C7orf78: variants seen among roughly 807,000 people sequenced by gnomAD.
C7orf78 encodes putative uncharacterized protein C7orf78.
At chr7:12,540,435 G>C in the C7orf78 span, among the ~76,000 whole-genome samples, 1 of 152,164 alleles carries the variant, frequency 6.6e-6, no homozygotes, top group African/African-American at 2.4e-5. Context: ...TCAGTAATGT[G>C]CAATCATTTT....
chr7:12,519,977 A>G, the C7orf78 span, among the ~76,000 whole-genome samples: 1 of 152,198 alleles, frequency 6.6e-6, no homozygotes, highest in African/African-American at 2.4e-5. Flanking sequence ...ATCTGGTACA[A>G]TGCCCTCATT....
chr7:12,485,156 C>T, the C7orf78 span, among the ~76,000 whole-genome samples: 1 of 20,892 alleles, frequency 4.8e-5, no homozygotes, highest in Admixed American at 6.2e-4. Flanking sequence ...ATGCTATCAG[C>T]TGGGTTGGAA....
At chr7:12,483,455 C>T in the C7orf78 span, 1 of 152,168 alleles carries the variant, frequency 6.6e-6, no homozygotes, top group Non-Finnish European at 1.5e-5. Context: ...AGACAAAGAA[C>T]AGAAGTCGAT....
chr7:12,506,850 G>A, the C7orf78 span: 1 of 437,736 alleles, frequency 2.3e-6, no homozygotes, highest in Non-Finnish European at 4.6e-6. Context: ...AAGTTTGTCA[G>A]GTTATCGTAG....
At chr7:12,540,943 T>G in the C7orf78 span, 6 of 152,194 alleles carry the variant, frequency 3.9e-5, no homozygotes, top group Non-Finnish European at 7.3e-5. Flanking sequence ...CAAAACAGCA[T>G]AGGGCTTCCT....
At chr7:12,516,217 C>G in the C7orf78 span, among the ~76,000 whole-genome samples, 1 of 152,196 alleles carries the variant, frequency 6.6e-6, no homozygotes, top group Non-Finnish European at 1.5e-5. Flanking sequence ...GATGCTCCAG[C>G]CCTGGCTGTA....
the C7orf78 span, among the ~76,000 whole-genome samples, chr7:12,513,395 A>G: frequency 2.0e-5 from 3 of 152,094 alleles, no homozygotes; most frequent in Non-Finnish European, 4.4e-5. Context: ...TGTGCTACAA[A>G]GTTCCAGTCA....
chr7:12,506,839 C>A, the C7orf78 span: 2 of 425,236 alleles, frequency 4.7e-6, no homozygotes, highest in Non-Finnish European at 4.7e-6. Context: ...ACAGCAATTC[C>A]AAGTTTGTCA....
At chr7:12,512,473 G>A in the C7orf78 span, among the ~76,000 whole-genome samples, 2 of 152,062 alleles carry the variant, frequency 1.3e-5, no homozygotes, top group African/African-American at 4.8e-5. Context: ...TCATTCTGTT[G>A]ATGTGATGTA....
chr7:12,521,671 T>C, the C7orf78 span, among the ~76,000 whole-genome samples: 1,145 of 149,012 alleles, frequency 7.7e-3, 15 homozygotes, highest in African/African-American at 0.026. Context: ...GGCTTAGCTT[T>C]CATTTTTTAT....
chr7:12,537,757 C>T, the C7orf78 span, among the ~76,000 whole-genome samples: 4 of 151,964 alleles, frequency 2.6e-5, no homozygotes, highest in Non-Finnish European at 5.9e-5. Context: ...AGAATGTATA[C>T]ATAAAAGTAT....
At chr7:12,486,100 G>A in the C7orf78 span, among the ~76,000 whole-genome samples, 1 of 152,018 alleles carries the variant, frequency 6.6e-6, no homozygotes, top group South Asian at 2.1e-4. Flanking sequence ...TTGCCTAGAA[G>A]GAAATGTAAC....
the C7orf78 span, among the ~76,000 whole-genome samples, chr7:12,532,647 G>A: frequency 1.2e-4 from 18 of 152,024 alleles, no homozygotes; most frequent in African/African-American, 2.2e-4. Context: ...ATGAATAGTC[G>A]AAGTTTGCAT....
At chr7:12,524,160 C>G in the C7orf78 span, among the ~76,000 whole-genome samples, 1,074 of 152,154 alleles carry the variant, frequency 7.1e-3, 15 homozygotes, top group African/African-American at 0.025. Flanking sequence ...TATCCCTGTT[C>G]TTTTATTTTC....
chr7:12,484,794 A>T, the C7orf78 span, among the ~76,000 whole-genome samples: 1 of 152,092 alleles, frequency 6.6e-6, no homozygotes, highest in African/African-American at 2.4e-5. Flanking sequence ...CTTTGGACTA[A>T]AGCTTTCTAC....
the C7orf78 span, among the ~76,000 whole-genome samples, chr7:12,492,257 A>G: frequency 3.9e-5 from 6 of 152,224 alleles, no homozygotes; most frequent in Non-Finnish European, 8.8e-5. Flanking sequence ...CATTTTAGAA[A>G]TAAAAAAAAT....
At chr7:12,494,470 G>A in the C7orf78 span, among the ~76,000 whole-genome samples, 2 of 152,136 alleles carry the variant, frequency 1.3e-5, no homozygotes, top group Non-Finnish European at 2.9e-5. Context: ...AGAAAAAAGG[G>A]AGAGAAAAAA....
the C7orf78 span, among the ~76,000 whole-genome samples, chr7:12,493,144 C>T: frequency 6.6e-6 from 1 of 152,050 alleles, no homozygotes; most frequent in Non-Finnish European, 1.5e-5. Flanking sequence ...TGGAGTGAGC[C>T]GAGATTGTGC....
the C7orf78 span, among the ~76,000 whole-genome samples, chr7:12,494,645 G>T: frequency 6.6e-6 from 1 of 151,968 alleles, no homozygotes; most frequent in Non-Finnish European, 1.5e-5. Context: ...ACTGTGAATT[G>T]ACCTCTATTT....
Sources: allele counts gnomAD v4.1 joint callset (sites outside exome capture counted in the v4.1 genomes callset), GRCh38; gene constraint gnomAD v4.1.1; transcripts MANE v1.5; gene names NCBI Gene and HGNC (gene_info 2026-07-23, HGNC 2026-07-21).